The following SNTG2 variants were observed in gnomAD, a reference collection of about 807,000 sequenced individuals.
SNTG2 encodes syntrophin gamma 2, also known as gamma-2-syntrophin.
In SNTG2, 74 loss-of-function variants were observed where a neutral mutation model predicts 70.9. That is an observed-to-expected ratio of 1.04 (90% CI 0.86 to 1.27). The LOEUF (loss-of-function observed/expected upper bound fraction) is 1.27. Among genes scored for constraint, SNTG2 ranks in the 50% most tolerant of loss-of-function variants. The pLI is 0.00. For missense variants in SNTG2, 717 were observed against 690.7 expected (o/e 1.04, Z -0.43); for synonymous variants, 278 against 273.8 (o/e 1.02, Z -0.15).
At chr2:1,030,161 G>A (rs561880244) in intron 1 of SNTG2, among the ~76,000 whole-genome samples, 1 of 152,166 alleles carries the variant, frequency 6.6e-6, no homozygotes, top group African/African-American at 2.4e-5. Flanking sequence ...TGCATGCACT[G>A]GTTGTTGCTT....
intron 4 of SNTG2, among the ~76,000 whole-genome samples, chr2:1,108,843 C>T (rs375046226): frequency 0.022 from 150 of 6,764 alleles, no homozygotes; most frequent in Middle Eastern, 0.062. Context: ...TGCTGTCACT[C>T]GGGTGCAGGG....
At chr2:1,139,987 T>C (rs891104916) in intron 6 of SNTG2, among the ~76,000 whole-genome samples, 1 of 152,206 alleles carries the variant, frequency 6.6e-6, no homozygotes, top group Non-Finnish European at 1.5e-5. Context: ...ATTAGAGAAA[T>C]GCTAATGAGA....
At chr2:1,315,871 T>C (rs1019144968) in intron 15 of SNTG2, among the ~76,000 whole-genome samples, 13 of 152,122 alleles carry the variant, frequency 8.5e-5, no homozygotes, top group Non-Finnish European at 1.5e-4. Flanking sequence ...GAACTTTTAG[T>C]GATTTTTTCT....
rs149373049 is a variant in SNTG2 at position 971,175 on chromosome 2, T to C, written c.72+20107T>C. 6.1e-4 allele frequency among the ~76,000 whole-genome samples: 93 copies of C among 152,356 alleles called. No individual in the cohort carries two copies. In the East Asian group the frequency reaches 0.012, roughly 20 times the overall value. On this transcript the variant is annotated intron_variant, in intron 1 of 16. Transcript: ENST00000308624. ...CCTAGAATGAGTTATGGAGGAATCCTTCTTCTGCAATGTTTTGGAATAGTT... is the reference window on the plus strand; with the variant it reads ...CCTAGAATGAGTTATGGAGGAATCCCTCTTCTGCAATGTTTTGGAATAGTT...
intron 1 of SNTG2, among the ~76,000 whole-genome samples, chr2:1,005,770 C>T (rs1482355552): frequency 7.2e-6 from 1 of 138,522 alleles, no homozygotes; most frequent in Non-Finnish European, 1.5e-5. Context: ...CACCATTGCA[C>T]TCCAGCCTGG....
At chr2:1,181,553 C>T (rs1396695427) in intron 8 of SNTG2, among the ~76,000 whole-genome samples, 1 of 152,182 alleles carries the variant, frequency 6.6e-6, no homozygotes, top group African/African-American at 2.4e-5. Flanking sequence ...AAGTGGATAC[C>T]TCTGACCCCT....
intron 7 of SNTG2, among the ~76,000 whole-genome samples, chr2:1,166,637 C>T (rs1164986942): frequency 2.0e-5 from 3 of 152,140 alleles, no homozygotes; most frequent in Non-Finnish European, 4.4e-5. Context: ...AAGGGCGGGT[C>T]CCTGGCGAGG....
chr2:997,048 C>G (rs985385332), intron 1 of SNTG2, among the ~76,000 whole-genome samples: 2 of 152,140 alleles, frequency 1.3e-5, no homozygotes, highest in Non-Finnish European at 2.9e-5. Context: ...TTCTGGATTC[C>G]ACTCTACAGG....
chr2:1,308,133 T>C (rs992335229), intron 14 of SNTG2, among the ~76,000 whole-genome samples: 2 of 152,070 alleles, frequency 1.3e-5, no homozygotes, highest in African/African-American at 2.4e-5. Context: ...TATTCCCCAA[T>C]AGGTACAATG....
intron 9 of SNTG2, among the ~76,000 whole-genome samples, chr2:1,212,295 A>G (rs992860954): frequency 4.6e-5 from 7 of 152,114 alleles, no homozygotes; most frequent in Non-Finnish European, 1.0e-4. Flanking sequence ...TCCTGCTCCT[A>G]CCATGTAAGG....
intron 1 of SNTG2, among the ~76,000 whole-genome samples, chr2:993,393 G>A (rs1390105522): frequency 6.6e-6 from 1 of 151,864 alleles, no homozygotes. Context: ...AGCACATTTT[G>A]TTTATCCATT....
intron 1 of SNTG2, among the ~76,000 whole-genome samples, chr2:998,613 T>G (rs139280540): frequency 5.9e-4 from 90 of 151,878 alleles, no homozygotes; most frequent in African/African-American, 2.1e-3. Flanking sequence ...AAAAAAAAAT[T>G]TAAGGCCTTT....
chr2:1,241,804 T>A (rs1677071026), intron 11 of SNTG2, among the ~76,000 whole-genome samples: 1 of 152,114 alleles, frequency 6.6e-6, no homozygotes, highest in African/African-American at 2.4e-5. Context: ...AGTGAAATTC[T>A]CCCACATATT....
In SNTG2 at chr2:1,081,408, C is replaced by T. The variant is rs75876176; in HGVS notation, c.73-2110C>T. On this transcript the variant is annotated intron_variant, in intron 1 of 16. Coordinates refer to ENST00000308624, the MANE Select transcript of SNTG2 (RefSeq NM_018968.4). ...TTAGCTAGAATTCTGTTTTCCCAGT[C>T]GAGTGTTCACTTATAAGAGTTACAC... 6.7e-3 allele frequency among the ~76,000 whole-genome samples: 1,016 copies of T among 152,328 alleles called. 10 individuals carry two copies. The highest frequency in any genetic ancestry group is 0.023 in the African/African-American group (958 of 41,562).
At position 1,221,836 on chromosome 2, in the gene SNTG2, T is replaced by TGC. The variant is rs1303447973; in HGVS notation, c.719+12606_719+12607insGC. ...CTCGGTCTCTGTCTCTCTCTGTCTCTCTCTGTCTCTGTCTCTGTCTCTGTC... is the reference window on the plus strand; with the variant it reads ...CTCGGTCTCTGTCTCTCTCTGTCTCTGCCTCTGTCTCTGTCTCTGTCTCTGTC... On this transcript the variant is annotated intron_variant, in intron 9 of 16. Coordinates refer to ENST00000308624, the MANE Select transcript of SNTG2 (RefSeq NM_018968.4). 4.5e-3 allele frequency among the ~76,000 whole-genome samples: 41 copies of TGC among 9,048 alleles called. 6 individuals are homozygous for TGC. Among genetic ancestry groups the TGC allele is most frequent in the African/African-American group, 0.015 (18 of 1,188 alleles). 5.9% of individuals were successfully genotyped at this position (9,048 alleles called of 152,430 possible). A position where few individuals can be genotyped will look rare whatever the true frequency, so the allele number is the denominator to read the frequency against.
chr2:1,193,013 G>A (rs1417567276), intron 8 of SNTG2, among the ~76,000 whole-genome samples: 1 of 152,218 alleles, frequency 6.6e-6, no homozygotes, highest in Non-Finnish European at 1.5e-5. Flanking sequence ...CAGAGGCCAT[G>A]CTGGAGACCC....
intron 1 of SNTG2, among the ~76,000 whole-genome samples, chr2:1,006,278 A>G (rs917991807): frequency 2.6e-5 from 4 of 151,578 alleles, no homozygotes; most frequent in Non-Finnish European, 5.9e-5. Context: ...AACCTGCACA[A>G]TGTGCACATG....
intron 9 of SNTG2, among the ~76,000 whole-genome samples, chr2:1,222,449 G>A (rs1675317930): frequency 6.6e-6 from 1 of 152,250 alleles, no homozygotes; most frequent in Admixed American, 6.5e-5. Flanking sequence ...AACAGGAGGG[G>A]CTTCTTAAGC....
intron 16 of SNTG2, among the ~76,000 whole-genome samples, chr2:1,318,316 C>T (rs780739039): frequency 6.6e-6 from 1 of 152,242 alleles, no homozygotes; most frequent in Non-Finnish European, 1.5e-5. Context: ...TTAATCTGAG[C>T]AACATGTCAC....
Sources: allele counts gnomAD v4.1 joint callset (sites outside exome capture counted in the v4.1 genomes callset), GRCh38; gene constraint gnomAD v4.1.1; transcripts MANE v1.5; gene names NCBI Gene and HGNC (gene_info 2026-07-23, HGNC 2026-07-21).